DGKB: variants seen among roughly 807,000 people sequenced by gnomAD.
The protein encoded by DGKB is 90 kDa diacylglycerol kinase.
DGKB carries 67 observed loss-of-function variants against 114.3 expected under a neutral mutation model. The ratio of observed to expected loss-of-function variants is 0.59; its 90% CI spans 0.48 to 0.72. The LOEUF is 0.72. Among genes scored for constraint, DGKB ranks in the 30% least tolerant of loss-of-function variants. DGKB has a pLI of 0.00. For synonymous variants in DGKB, 398 were observed against 323.1 expected, an observed-to-expected ratio of 1.23 and a Z score of -2.49; for missense variants, 907 against 975.2, an observed-to-expected ratio of 0.93 and a Z score of 0.93.
At chr7:14,251,428 T>C (rs78335448) in intron 23 of DGKB, among the ~76,000 whole-genome samples, 4,153 of 152,248 alleles carry the variant, frequency 0.027, 195 homozygotes, top group African/African-American at 0.094. Flanking sequence ...TTGATGTCAC[T>C]ATTTACATTT....
rs1194161555 is a variant in DGKB at position 14,392,997 on chromosome 7, T to TTTTGTTTTTG, written c.1836-47607_1836-47606insCAAAAACAAA. ...AAACAGACCTGTTTTTTGTTTTTGT[T>TTTTGTTTTTG]TTTTTTTTTTTGAGACGGAGTCTCG... On this transcript the variant is annotated intron_variant, in intron 21 of 25. Transcript: ENST00000402815. Among the ~76,000 whole-genome samples, 3 of 87,586 alleles carry TTTTGTTTTTG rather than the reference T, an allele frequency of 3.4e-5. 1 individual carries two copies. 57.5% of individuals were successfully genotyped at this position (87,586 alleles called of 152,430 possible).
chr7:14,523,287 T>G (rs904994240), intron 20 of DGKB, among the ~76,000 whole-genome samples: 1 of 152,210 alleles, frequency 6.6e-6, no homozygotes, highest in Non-Finnish European at 1.5e-5. Context: ...GAAGGCATCA[T>G]GGAGACCACC....
At chr7:14,656,643 C>A (rs1193415587) in intron 13 of DGKB, among the ~76,000 whole-genome samples, 1 of 151,090 alleles carries the variant, frequency 6.6e-6, no homozygotes. Flanking sequence ...TTCCATAAAT[C>A]ATGGCAAACC....
intron 5 of DGKB, among the ~76,000 whole-genome samples, chr7:14,729,274 C>T (rs566719890): frequency 1.2e-4 from 18 of 144,694 alleles, no homozygotes; most frequent in South Asian, 2.1e-4. Flanking sequence ...AGGCGCCTGC[C>T]ACCACATCCG....
At chr7:14,710,784 A>G (rs1359143346) in intron 6 of DGKB, among the ~76,000 whole-genome samples, 1 of 152,090 alleles carries the variant, frequency 6.6e-6, no homozygotes, top group East Asian at 1.9e-4. Flanking sequence ...TATTCTCTTA[A>G]TGTGGCATAA....
chr7:14,209,569 G>A (rs754655312), intron 23 of DGKB: 9 of 488,434 alleles, frequency 1.8e-5, no homozygotes, highest in Middle Eastern at 3.3e-4. Context: ...TAAAATGGGG[G>A]CTCCAGAGGT....
chr7:14,782,742 T>A (rs547378228), intron 2 of DGKB, among the ~76,000 whole-genome samples: 1 of 152,204 alleles, frequency 6.6e-6, no homozygotes, highest in Non-Finnish European at 1.5e-5. Context: ...CCATAGAAGA[T>A]GGGAAAGTCT....
rs550432276 is a variant in DGKB, at chr7:14,451,677, A to C, written c.1835+26484T>G. ...CTTTGTACTTAAACATTGTTCTGAG[A>C]AAGAGGAAAGTAAAGTCAAAGCCAG... On this transcript the variant is annotated intron_variant, in intron 21 of 25. Coordinates refer to ENST00000402815, the MANE Select transcript of DGKB (RefSeq NM_001350709.2). Among the ~76,000 whole-genome samples the C allele has an allele frequency of 1.4e-4, 22 of 152,170 alleles. 1 individual carries two copies. In the East Asian group the frequency reaches 2.7e-3, roughly 19 times the overall value.
At chr7:14,958,007 C>T (rs557427119) in intron 1 of DGKB, among the ~76,000 whole-genome samples, 28 of 152,004 alleles carry the variant, frequency 1.8e-4, no homozygotes, top group South Asian at 1.0e-3. Flanking sequence ...ATTGTGTTTA[C>T]GTAAAATCAG....
chr7:14,921,272 C>A (rs185146697), intron 1 of DGKB, among the ~76,000 whole-genome samples: 1 of 151,958 alleles, frequency 6.6e-6, no homozygotes, highest in Admixed American at 6.6e-5. Flanking sequence ...TGCCAATATT[C>A]GTTCATTAAT....
At chr7:14,934,436 A>C (rs1023540876) in intron 1 of DGKB, among the ~76,000 whole-genome samples, 2 of 152,176 alleles carry the variant, frequency 1.3e-5, no homozygotes, top group Admixed American at 1.3e-4. Flanking sequence ...TGAGTGCTGG[A>C]GTACTTGACA....
intron 2 of DGKB, among the ~76,000 whole-genome samples, chr7:14,812,787 A>G (rs930109481): frequency 2.6e-5 from 4 of 152,184 alleles, no homozygotes; most frequent in African/African-American, 9.7e-5. Context: ...TTTTTAAAGC[A>G]ATACAATTTC....
chr7:14,487,351 C>T (rs1035871544), intron 20 of DGKB, among the ~76,000 whole-genome samples: 1 of 152,040 alleles, frequency 6.6e-6, no homozygotes, highest in African/African-American at 2.4e-5. Flanking sequence ...AAATAATGCT[C>T]ATAGGTTAGA....
intron 23 of DGKB, among the ~76,000 whole-genome samples, chr7:14,186,547 T>C (rs1426913123): frequency 1.3e-5 from 2 of 152,338 alleles, no homozygotes; most frequent in East Asian, 3.9e-4. Context: ...GAAGTCATTA[T>C]TCAGAAAAGA....
At position 14,805,393 on chromosome 7, in the gene DGKB, A is replaced by G. The variant is rs1019954732; in HGVS notation, c.70+35801T>C. On this transcript the variant is annotated intron_variant, in intron 2 of 25. Coordinates refer to ENST00000402815, the MANE Select transcript of DGKB (RefSeq NM_001350709.2). ...GCTGCTTCTTTCTTTTTCTCTGTAT[A>G]TACTGTCCCAAGCAGCAGGCACTTC... 7.2e-5 allele frequency among the ~76,000 whole-genome samples: 11 copies of G among 152,158 alleles called. No homozygotes were observed. The East Asian group carries it at 1.4e-3, about 19-fold the overall frequency.
At chr7:14,251,660 T>C (rs533403076) in intron 23 of DGKB, among the ~76,000 whole-genome samples, 16 of 152,310 alleles carry the variant, frequency 1.1e-4, no homozygotes, top group African/African-American at 3.8e-4. Flanking sequence ...TTAAGAACTC[T>C]AGCTTTTCTT....
At chr7:14,463,368 T>G (rs74425846) in intron 21 of DGKB, among the ~76,000 whole-genome samples, 3,722 of 152,248 alleles carry the variant, frequency 0.024, 145 homozygotes, top group Admixed American at 0.092. Flanking sequence ...GTTCTGCACA[T>G]GTACCCCAGA....
chr7:14,830,440 A>G (rs1846260186), intron 2 of DGKB, among the ~76,000 whole-genome samples: 1 of 152,096 alleles, frequency 6.6e-6, no homozygotes, highest in Non-Finnish European at 1.5e-5. Flanking sequence ...GCTGTAAACC[A>G]GAAATATTTA....
intron 9 of DGKB, among the ~76,000 whole-genome samples, chr7:14,688,177 T>A (rs1008097559): frequency 1.3e-5 from 2 of 152,176 alleles, no homozygotes; most frequent in African/African-American, 4.8e-5. Context: ...CTGTCCCTTC[T>A]TTCTATCAGC....
Sources: gnomAD v4.1 joint callset for allele counts (sites outside exome capture counted in the v4.1 genomes callset) on GRCh38, gnomAD v4.1.1 for gene constraint, MANE v1.5 for transcripts, NCBI Gene and HGNC (gene_info 2026-07-23, HGNC 2026-07-21) for gene names.